TCF7L1: variants seen among roughly 807,000 people sequenced by gnomAD.
TCF7L1 encodes transcription factor 7 like 1.
TCF7L1 carries 18 observed loss-of-function variants against 63.7 expected under a neutral mutation model. The observed-to-expected ratio is 0.28, with a 90% confidence interval of 0.20 to 0.42. TCF7L1 has a LOEUF of 0.42. TCF7L1 is among the 10% of genes least tolerant of loss of function. TCF7L1 has a pLI of 1.00. For missense variants in TCF7L1, 654 were observed against 779.3 expected, an observed-to-expected ratio of 0.84 and a Z score of 1.91; for synonymous variants, 355 against 340.9, an observed-to-expected ratio of 1.04 and a Z score of -0.46.
At chr2:85,160,659 A>G (rs964122132) in intron 3 of TCF7L1, among the ~76,000 whole-genome samples, 32 of 151,762 alleles carry the variant, frequency 2.1e-4, no homozygotes, top group African/African-American at 2.4e-4. Flanking sequence ...GTTCCAGACC[A>G]GTCTGAGCAA....
At chr2:85,219,802 T>G (rs904330479) in intron 3 of TCF7L1, among the ~76,000 whole-genome samples, 4 of 152,234 alleles carry the variant, frequency 2.6e-5, no homozygotes, top group African/African-American at 9.6e-5. Context: ...CCCAAGAGAA[T>G]GATAATTGCA....
chr2:85,231,088 C>G lies in TCF7L1; in HGVS notation c.442-52407C>G, dbSNP rs184223834. Among the ~76,000 whole-genome samples the G allele has an allele frequency of 7.2e-5, 11 of 152,272 alleles. 1 individual carries two copies. Among genetic ancestry groups the G allele is most frequent in the Admixed American group, 6.5e-4 (10 of 15,286 alleles). ...AATCCTTTGGAACATCTGCAAGTATCTTGCAGATGAACGAGGTTACTAAGC... is the reference window on the plus strand; with the variant it reads ...AATCCTTTGGAACATCTGCAAGTATGTTGCAGATGAACGAGGTTACTAAGC... On this transcript the variant is annotated intron_variant, in intron 3 of 11. Transcript: ENST00000282111.
chr2:85,182,415 C>T (rs911719153), intron 3 of TCF7L1, among the ~76,000 whole-genome samples: 3 of 152,180 alleles, frequency 2.0e-5, no homozygotes, highest in African/African-American at 7.2e-5. Flanking sequence ...ATGCCAGCAG[C>T]TGCTCTCTGA....
At chr2:85,205,048 G>C (rs1286171793) in intron 3 of TCF7L1, 1 of 152,058 alleles carries the variant, frequency 6.6e-6, no homozygotes, top group Non-Finnish European at 1.5e-5. Context: ...CATATTTAGA[G>C]ATAGAAAAGG....
chr2:85,142,258 T>C (rs2583566), intron 3 of TCF7L1, among the ~76,000 whole-genome samples: 92,104 of 151,624 alleles, frequency 0.61, 28,427 homozygotes, highest in East Asian at 0.87. Flanking sequence ...GAAACCCCAT[T>C]GCTACAAAAC....
At chr2:85,185,140 G>A (rs992507541) in intron 3 of TCF7L1, among the ~76,000 whole-genome samples, 8 of 152,128 alleles carry the variant, frequency 5.3e-5, no homozygotes, top group African/African-American at 1.4e-4. Context: ...ACTTAGCGAC[G>A]CCTGAGAAAT....
intron 3 of TCF7L1, among the ~76,000 whole-genome samples, chr2:85,176,867 A>T (rs1326897778): frequency 6.6e-6 from 1 of 151,624 alleles, no homozygotes; most frequent in East Asian, 1.9e-4. Flanking sequence ...GGCACCTGTA[A>T]TCCAAGCTAC....
At chr2:85,245,770 G>T (rs1009371928) in intron 3 of TCF7L1, among the ~76,000 whole-genome samples, 1 of 150,988 alleles carries the variant, frequency 6.6e-6, no homozygotes, top group East Asian at 1.9e-4. Context: ...AGCCGAGATC[G>T]CACCACTGCA....
rs540241003 is a variant in TCF7L1, at chr2:85,231,943, A to G, written c.442-51552A>G. On this transcript the variant is annotated intron_variant, in intron 3 of 11. Transcript: ENST00000282111. ...CTTCATCTGTAAAATGAGACCCTCA[A>G]CAGCCCCTACTTCAGATAGTGCTCA... is the stretch of plus-strand genomic sequence containing the variant. Among the ~76,000 whole-genome samples the G allele has an allele frequency of 5.9e-5, 9 of 152,296 alleles. No individual in the cohort carries two copies. The East Asian group carries it at 1.7e-3, about 29-fold the overall frequency.
At chr2:85,193,979 AG>A (rs1679093763) in intron 3 of TCF7L1, among the ~76,000 whole-genome samples, 1 of 150,922 alleles carries the variant, frequency 6.6e-6, no homozygotes, top group Non-Finnish European at 1.5e-5. Flanking sequence ...AAAAAAAAAA[AG>A]GCCCTCCTGT....
intron 3 of TCF7L1, among the ~76,000 whole-genome samples, chr2:85,173,443 C>T (rs570705143): frequency 6.6e-6 from 1 of 152,274 alleles, no homozygotes; most frequent in East Asian, 1.9e-4. Flanking sequence ...TATAGAAGCA[C>T]TCTGCGGGGA....
intron 3 of TCF7L1, among the ~76,000 whole-genome samples, chr2:85,225,822 G>C (rs562835511): frequency 6.6e-6 from 1 of 152,182 alleles, no homozygotes. Context: ...GTGTTGATAG[G>C]AGTGGTGAGA....
intron 3 of TCF7L1, among the ~76,000 whole-genome samples, chr2:85,185,188 C>T (rs1277650548): frequency 1.3e-5 from 2 of 152,010 alleles, no homozygotes; most frequent in Admixed American, 6.6e-5. Flanking sequence ...TGATAAGTGA[C>T]GTAATAACCA....
chr2:85,204,608 T>C (rs1300649175), intron 3 of TCF7L1, among the ~76,000 whole-genome samples: 1 of 143,244 alleles, frequency 7.0e-6, no homozygotes, highest in African/African-American at 2.4e-5. Context: ...CTTGAACTCC[T>C]GGGCTTAAGC....
intron 8 of TCF7L1, 97 bp downstream of exon 8, chr2:85,305,500 TGGTGTCACTCAGCA>T: frequency 7.0e-7 from 1 of 1,422,784 alleles, no homozygotes; most frequent in Non-Finnish European, 9.3e-7. Context: ...TCTTCTCTCT[TGGTGTCACTCAGCA>T]GGCATCACAG....
At chr2:85,300,016 T>A (rs1206932565) in intron 4 of TCF7L1, among the ~76,000 whole-genome samples, 1 of 152,134 alleles carries the variant, frequency 6.6e-6, no homozygotes, top group African/African-American at 2.4e-5. Flanking sequence ...TATGATATAG[T>A]TTGCATTTCT....
chr2:85,162,697 TAAG>T (rs1275229383), intron 3 of TCF7L1, among the ~76,000 whole-genome samples: 1 of 152,114 alleles, frequency 6.6e-6, no homozygotes, highest in Admixed American at 6.6e-5. Flanking sequence ...GGGACACTGA[TAAG>T]GACATGAGTT....
At chr2:85,142,425 A>G (rs1043063113) in intron 3 of TCF7L1, among the ~76,000 whole-genome samples, 1 of 101,892 alleles carries the variant, frequency 9.8e-6, no homozygotes, top group Non-Finnish European at 1.9e-5. Flanking sequence ...TTCCAAAAAA[A>G]AAAAAAATGT....
At chr2:85,273,530 G>T (rs749517053) in intron 3 of TCF7L1, among the ~76,000 whole-genome samples, 3 of 152,242 alleles carry the variant, frequency 2.0e-5, no homozygotes, top group African/African-American at 7.2e-5. Context: ...GGGCAAGGGT[G>T]TGGGGAAATA....
Sources: gnomAD v4.1 joint callset for allele counts (sites outside exome capture counted in the v4.1 genomes callset) on GRCh38, gnomAD v4.1.1 for gene constraint, MANE v1.5 for transcripts, NCBI Gene and HGNC (gene_info 2026-07-23, HGNC 2026-07-21) for gene names.